Variants in ANO4 observed in about 807,000 individuals in gnomAD.
ANO4 encodes the protein anoctamin-4.
In ANO4, 69 loss-of-function variants were observed where a neutral mutation model predicts 141.9. That is an observed-to-expected ratio of 0.49 (90% CI 0.40 to 0.59). The LOEUF (loss-of-function observed/expected upper bound fraction) is 0.59, where lower values mean the gene tolerates loss of function less well. ANO4 is among the 20% of genes least tolerant of loss of function. The probability of loss-of-function intolerance (pLI) is 0.00; values close to 1 mark genes in which losing one functional copy is unlikely to be tolerated. For synonymous variants in ANO4, 350 were observed against 394.3 expected, an observed-to-expected ratio of 0.89 and a Z score of 1.33; for missense variants, 894 against 1,162.2, an observed-to-expected ratio of 0.77 and a Z score of 3.36.
intron 14 of ANO4, among the ~76,000 whole-genome samples, chr12:101,065,743 AT>A (rs1024115420): frequency 1.4e-4 from 21 of 152,196 alleles, no homozygotes; most frequent in African/African-American, 4.8e-4. Flanking sequence ...AGGAGGGAAT[AT>A]TTCCAAACTC....
chr12:100,917,559 G>A lies in ANO4; in HGVS notation c.56-4667G>A, dbSNP rs553032127. ...AAGTCATTTAATCTCTCTCACTTGGGCACTATAAGTTAAAGGTGGAGATTG... is the reference window on the plus strand; with the variant it reads ...AAGTCATTTAATCTCTCTCACTTGGACACTATAAGTTAAAGGTGGAGATTG... On this transcript the variant is annotated intron_variant, in intron 2 of 27. Transcript: ENST00000392977. 5.1e-4 allele frequency among the ~76,000 whole-genome samples: 77 copies of A among 152,248 alleles called. 1 individual carries two copies. Among genetic ancestry groups the A allele is most frequent in the African/African-American group, 1.7e-3 (71 of 41,552 alleles).
In ANO4 at chr12:101,034,281, A is replaced by G. The variant is rs146172685; in HGVS notation, c.842-2814A>G. On this transcript the variant is annotated intron_variant, in intron 9 of 27. Transcript: ENST00000392977. ...AGAGTGGATAAAGAAAATGTGGTAC[A>G]TATCCACTATGGAATATTATACATC... 1.7e-4 allele frequency among the ~76,000 whole-genome samples: 26 copies of G among 152,364 alleles called. No homozygotes were observed. The East Asian group carries it at 2.5e-3, about 15-fold the overall frequency.
chr12:100,980,405 G>A (rs1032724097), intron 7 of ANO4, among the ~76,000 whole-genome samples: 5 of 152,246 alleles, frequency 3.3e-5, no homozygotes, highest in African/African-American at 1.2e-4. Context: ...AGATGATGGA[G>A]AGTGTCTTTT....
chr12:101,096,674 C>A, intron 19 of ANO4, 27 bp downstream of exon 19: 2 of 1,554,926 alleles, frequency 1.3e-6, no homozygotes, highest in East Asian at 4.5e-5. Context: ...TGCACACCTC[C>A]CCAAGCTGAG....
chr12:101,029,771 A>G (rs113080127), intron 9 of ANO4, among the ~76,000 whole-genome samples: 25 of 151,588 alleles, frequency 1.6e-4, no homozygotes, highest in African/African-American at 5.8e-4. Flanking sequence ...TTAGCTGGGT[A>G]TGGTGGCATG....
At chr12:100,779,832 G>A (rs917507317) in intron 3 of ANO4, among the ~76,000 whole-genome samples, 2 of 152,160 alleles carry the variant, frequency 1.3e-5, no homozygotes, top group Non-Finnish European at 2.9e-5. Flanking sequence ...CATGTAGGCT[G>A]TAGATATTGT....
intron 2 of ANO4, among the ~76,000 whole-genome samples, chr12:100,904,977 A>G (rs527851798): frequency 2.0e-5 from 3 of 152,298 alleles, no homozygotes; most frequent in South Asian, 4.1e-4. Flanking sequence ...GATTGGATGT[A>G]GGGTAAAAGA....
At chr12:101,127,417 C>G (rs1446679354) in intron 27 of ANO4, among the ~76,000 whole-genome samples, 1 of 151,998 alleles carries the variant, frequency 6.6e-6, no homozygotes, top group Non-Finnish European at 1.5e-5. Context: ...GGAAACATGC[C>G]CCTTCTTTCT....
rs567829670 is a variant in ANO4 at position 100,728,177 on chromosome 12, T to C, written c.23-5597T>C. 2.0e-5 allele frequency among the ~76,000 whole-genome samples: 3 copies of C among 152,350 alleles called. No individual in the cohort carries two copies. In the East Asian group the frequency reaches 5.8e-4, roughly 29 times the overall value. On this transcript the variant is annotated intron_variant, in intron 1 of 29. Transcript: ENST00000644049. ...GACATAAATAGGCACTGTGTTTTCT[T>C]TTTCGTGGCGGTTAGGATGAAAGGT... is the stretch of plus-strand genomic sequence containing the variant.
At chr12:100,909,218 A>G (rs551265713) in intron 2 of ANO4, among the ~76,000 whole-genome samples, 91 of 152,330 alleles carry the variant, frequency 6.0e-4, no homozygotes, top group African/African-American at 2.2e-3. Context: ...ACTATCTGGA[A>G]TGATTGAATT....
intron 1 of ANO4, among the ~76,000 whole-genome samples, chr12:100,818,963 T>G (rs1593418046): frequency 6.6e-6 from 1 of 151,744 alleles, no homozygotes; most frequent in East Asian, 1.9e-4. Context: ...GGTTTCTTCC[T>G]CTTCCCTATG....
intron 3 of ANO4, among the ~76,000 whole-genome samples, chr12:100,760,590 A>G (rs978888999): frequency 6.6e-6 from 1 of 152,208 alleles, no homozygotes; most frequent in African/African-American, 2.4e-5. Context: ...TGCATCTCTT[A>G]GAAATCTGTG....
intron 1 of ANO4, among the ~76,000 whole-genome samples, chr12:100,719,776 T>C (rs189163268): frequency 2.6e-5 from 4 of 152,342 alleles, no homozygotes; most frequent in African/African-American, 7.2e-5. Context: ...CCTTCTAATA[T>C]GCATTTCTGA....
intron 14 of ANO4, among the ~76,000 whole-genome samples, chr12:101,063,734 G>A (rs1280778518): frequency 2.3e-5 from 2 of 87,646 alleles, no homozygotes; most frequent in African/African-American, 1.0e-4. Flanking sequence ...ATGGAAGGTT[G>A]TCCAGGTTAT....
chr12:100,784,247 T>A (rs557666934), intron 3 of ANO4, among the ~76,000 whole-genome samples: 1 of 152,266 alleles, frequency 6.6e-6, no homozygotes, highest in Non-Finnish European at 1.5e-5. Context: ...TGTACCAACT[T>A]CTTCTACCTG....
Position 101,068,685 on chromosome 12 carries a change from G to T in ANO4, c.1313-10508G>T, listed in dbSNP as rs955607768. ...ACTTCCTTATTAACTATTAGAGTAG[G>T]ATCAAAGATTCTTGTGTGAAAGCTG... On this transcript the variant is annotated intron_variant, in intron 14 of 27. Transcript: ENST00000392977. 7.6e-6 allele frequency: 10 copies of T among 1,310,290 alleles called. No individual in the cohort carries two copies. In the East Asian group the frequency reaches 2.3e-4, roughly 30 times the overall value. 81.2% of individuals were successfully genotyped at this position (1,310,290 alleles called of 1,614,324 possible).
At chr12:100,761,913 A>C (rs996613137) in intron 3 of ANO4, among the ~76,000 whole-genome samples, 1 of 152,106 alleles carries the variant, frequency 6.6e-6, no homozygotes, top group Non-Finnish European at 1.5e-5. Context: ...ATGGCTCCAA[A>C]GCTGCCCTTC....
chr12:101,043,691 G>A (rs1357555591), intron 13 of ANO4, 56 bp downstream of exon 13: 2 of 1,247,390 alleles, frequency 1.6e-6, no homozygotes, highest in African/African-American at 3.0e-5. Context: ...ACCTTCCTGA[G>A]GGATGGTGGG....
chr12:100,738,492 T>C (rs1250986579), intron 2 of ANO4, among the ~76,000 whole-genome samples: 1 of 152,192 alleles, frequency 6.6e-6, no homozygotes, highest in African/African-American at 2.4e-5. Context: ...CAAAAAAGAC[T>C]TGTTAGCTGT....
Sources: gnomAD v4.1 joint callset for allele counts (sites outside exome capture counted in the v4.1 genomes callset) on GRCh38, gnomAD v4.1.1 for gene constraint, MANE v1.5 for transcripts, NCBI Gene and HGNC (gene_info 2026-07-23, HGNC 2026-07-21) for gene names.